SEL1L3: variants seen among roughly 807,000 people sequenced by gnomAD.
The protein encoded by SEL1L3 is SEL1L family member 3.
A neutral mutation model predicts 142.8 loss-of-function variants in SEL1L3; 76 were observed. The ratio of observed to expected loss-of-function variants is 0.53; its 90% CI spans 0.44 to 0.64. SEL1L3 has a LOEUF of 0.64. Ranked by LOEUF, SEL1L3 falls within the 30% of genes least tolerant of loss-of-function variation. SEL1L3 has a pLI of 0.00. For missense variants in SEL1L3, 1,262 were observed against 1,381.7 expected, an observed-to-expected ratio of 0.91 and a Z score of 1.37; for synonymous variants, 504 against 519.6, an observed-to-expected ratio of 0.97 and a Z score of 0.41.
chr4:25,778,713 C>T (rs1201283379), intron 16 of SEL1L3, among the ~76,000 whole-genome samples: 1 of 151,464 alleles, frequency 6.6e-6, no homozygotes, highest in Non-Finnish European at 1.5e-5. Context: ...GACAATGCCT[C>T]GGATGAAAAT....
chr4:25,722,509 C>T, the SEL1L3 span, among the ~76,000 whole-genome samples: 237 of 152,066 alleles, frequency 1.6e-3, 2 homozygotes, highest in African/African-American at 5.3e-3. Context: ...TTGTGAGCTG[C>T]GCAAAGTCAG....
chr4:25,759,815 AG>A (rs1356594154), intron 20 of SEL1L3: 28 of 152,398 alleles, frequency 1.8e-4, no homozygotes, highest in African/African-American at 6.5e-4. Context: ...GCAGGTGGCC[AG>A]ATTAAGAAAC....
chr4:25,831,025 AAAG>A (rs951136572), intron 5 of SEL1L3, among the ~76,000 whole-genome samples: 15 of 152,202 alleles, frequency 9.9e-5, no homozygotes, highest in Non-Finnish European at 2.9e-5. Flanking sequence ...GATAGAATAG[AAAG>A]AAGAAGGACA....
chr4:25,847,454 C>T lies in SEL1L3; in HGVS notation c.573G>A (p.Glu191=), dbSNP rs541852598. 3.7e-6 allele frequency: 6 copies of T among 1,613,996 alleles called. No homozygotes were observed. The highest frequency in any genetic ancestry group is 4.2e-6 in the Non-Finnish European group (5 of 1,179,892). ...TTGCTACAGCATGGAGCAAGTTTTCCTCCCATTTAACATTCCAGTCTCTGC... is the reference window on the plus strand; with the variant it reads ...TTGCTACAGCATGGAGCAAGTTTTCTTCCCATTTAACATTCCAGTCTCTGC... The part of the protein sequence containing the change: ...YSGRDWNVKW[E]ENLLHAVAKN... Residue 191 remains glutamate (E), a synonymous_variant, in exon 2 of 24, where the codon GAG becomes GAA. Coordinates refer to ENST00000399878, the MANE Select transcript of SEL1L3 (RefSeq NM_015187.5).
intron 6 of SEL1L3, among the ~76,000 whole-genome samples, chr4:25,828,964 C>G (rs926459086): frequency 1.3e-5 from 2 of 152,116 alleles, no homozygotes; most frequent in Admixed American, 6.6e-5. Flanking sequence ...ATTTTTATTT[C>G]TGATCTTTAC....
At chr4:25,784,200 T>C (rs1414651852) in intron 14 of SEL1L3, 28 bp downstream of exon 14, 1 of 1,573,824 alleles carries the variant, frequency 6.4e-7, no homozygotes, top group Non-Finnish European at 8.7e-7. Flanking sequence ...GGTGGAACTG[T>C]TTCCCTCTGA....
chr4:25,814,517 A>C (rs974627455), intron 9 of SEL1L3, among the ~76,000 whole-genome samples: 3 of 152,220 alleles, frequency 2.0e-5, no homozygotes, highest in Non-Finnish European at 2.9e-5. Context: ...AGGATGTTCT[A>C]ATAAAGTCTA....
the SEL1L3 span, among the ~76,000 whole-genome samples, chr4:25,735,583 CTT>C: frequency 2.2e-5 from 1 of 45,744 alleles, no homozygotes; most frequent in Non-Finnish European, 6.3e-5. Flanking sequence ...TTAGCTTAAT[CTT>C]CTTTTTTTAT....
chr4:25,838,531 A>G (rs962521281), intron 2 of SEL1L3, among the ~76,000 whole-genome samples: 1 of 152,228 alleles, frequency 6.6e-6, no homozygotes, highest in African/African-American at 2.4e-5. Flanking sequence ...AAGTCCTCCC[A>G]GAGAGAACCT....
At position 25,839,990 on chromosome 4, in the gene SEL1L3, A is replaced by C. The variant is rs373178545; in HGVS notation, c.734-4667T>G. Among the ~76,000 whole-genome samples, 12 of 152,322 alleles carry C rather than the reference A, an allele frequency of 7.9e-5. No homozygotes were observed. In the South Asian group the frequency reaches 8.3e-4, roughly 11 times the overall value. Reference sequence around the variant, plus strand: ...ATAAAAATTCAACTTTAAAAAAAGTATTCTTTCTAATTTAGAACCTGGGTT... The same window carrying C: ...ATAAAAATTCAACTTTAAAAAAAGTCTTCTTTCTAATTTAGAACCTGGGTT... On this transcript the variant is annotated intron_variant, in intron 2 of 23. Coordinates refer to ENST00000399878, the MANE Select transcript of SEL1L3 (RefSeq NM_015187.5).
Position 25,748,293 on chromosome 4 carries a change from AC to A in SEL1L3, c.*131del. ...GTAATTTGACTTTAAAAAAAATGAC[AC>A]CAATTGCAAAATTTGCATCCAGTTG... On this transcript the variant is annotated 3_prime_UTR_variant, in exon 24 of 24. Transcript: ENST00000399878. The A allele has an allele frequency of 1.1e-6, 1 of 921,378 alleles. No homozygotes were observed. The highest frequency in any genetic ancestry group is 1.6e-6 in the Non-Finnish European group (1 of 623,440). The allele number at this position is 921,378 out of a possible 1,614,324, so 57.1% of individuals were successfully genotyped here. A position where few individuals can be genotyped will look rare whatever the true frequency, so the allele number is the denominator to read the frequency against.
intron 9 of SEL1L3, among the ~76,000 whole-genome samples, chr4:25,805,066 T>G (rs1011376667): frequency 6.6e-6 from 1 of 152,222 alleles, no homozygotes; most frequent in African/African-American, 2.4e-5. Flanking sequence ...TCAGGACCAC[T>G]GAAACTTCCA....
the SEL1L3 span, among the ~76,000 whole-genome samples, chr4:25,732,248 T>C: frequency 8.5e-5 from 13 of 152,206 alleles, no homozygotes; most frequent in African/African-American, 3.1e-4. Context: ...ATACAAGGCA[T>C]CCATTTAAAC....
At chr4:25,746,507 A>AATATAT (rs141668402), downstream of SEL1L3, among the ~76,000 whole-genome samples, 1 of 101,562 alleles carries the variant, frequency 9.8e-6, no homozygotes, top group Admixed American at 9.9e-5. Flanking sequence ...ATATTATCTA[A>AATATAT]ATATATATAT....
rs371746354 is a variant in SEL1L3 at position 25,782,432 on chromosome 4, C to A, written c.2281-14G>T. On this transcript the variant is annotated splice_polypyrimidine_tract_variant and intron_variant, in intron 14 of 23. Transcript: ENST00000399878. ...CTGATGCAATCCCTGAATTTTGGAA[C>A]AAGAAAGAAATTAACTTTAGAAAAA... 2 of 1,606,850 alleles carry A rather than the reference C, an allele frequency of 1.2e-6. No homozygotes were observed. The highest frequency in any genetic ancestry group is 1.7e-6 in the Non-Finnish European group (2 of 1,176,860).
At chr4:25,820,579 A>G (rs28369529) in intron 7 of SEL1L3, among the ~76,000 whole-genome samples, 4,532 of 152,348 alleles carry the variant, frequency 0.03, 182 homozygotes, top group African/African-American at 0.1. Flanking sequence ...AGAGGGTCAC[A>G]CAGTTATTTC....
downstream of SEL1L3, among the ~76,000 whole-genome samples, chr4:25,745,341 G>C (rs780042104): frequency 2.6e-5 from 4 of 151,790 alleles, no homozygotes; most frequent in Non-Finnish European, 4.4e-5. Context: ...GATGCAGTGA[G>C]CCAAGATCAT....
At position 25,782,385 on chromosome 4, in the gene SEL1L3, A is replaced by G; in HGVS notation, c.2314T>C (p.Tyr772His). 2 of 1,613,800 alleles carry G rather than the reference A, an allele frequency of 1.2e-6. No individual in the cohort carries two copies. Among genetic ancestry groups the G allele is most frequent in the Non-Finnish European group, 8.5e-7 (1 of 1,179,752 alleles). Residue 772 changes from tyrosine (Y) to histidine (H), a missense_variant, in exon 15 of 24, where the codon TAT becomes CAT. Around this residue, in one of 3 missense-constraint regions of SEL1L3, gnomAD observed 435 missense variants for 559.2 expected, o/e 0.78. Coordinates refer to ENST00000399878, the MANE Select transcript of SEL1L3 (RefSeq NM_015187.5). ...TAATTTTTCTTGAATTTGTGGTAAT[A>G]CCATCCCAGGCCATTGACTGCCTGA... The part of the protein sequence containing the change: ...LHQAVNGLGW[Y>H]YHKFKKNYAK...
At chr4:25,744,115 C>T (rs542360953), downstream of SEL1L3, among the ~76,000 whole-genome samples, 18 of 152,226 alleles carry the variant, frequency 1.2e-4, no homozygotes, top group South Asian at 3.7e-3. Context: ...TTCCCAACCT[C>T]ATTTGGAGCT....
Sources: allele counts gnomAD v4.1 joint callset (sites outside exome capture counted in the v4.1 genomes callset), GRCh38; gene constraint gnomAD v4.1.1; regional missense constraint gnomAD v4.1.1; transcripts MANE v1.5; gene names NCBI Gene and HGNC (gene_info 2026-07-23, HGNC 2026-07-21).